SLC35F1: variants seen among roughly 807,000 people sequenced by gnomAD.
SLC35F1 encodes solute carrier family 35 member F1.
Under a neutral mutation model 48.7 loss-of-function variants are expected in SLC35F1, and 14 were observed. The ratio of observed to expected loss-of-function variants is 0.29; its 90% CI spans 0.19 to 0.45. SLC35F1 has a LOEUF of 0.45. SLC35F1 is among the 20% of genes least tolerant of loss of function. The pLI is 1.00. For synonymous variants in SLC35F1, 190 were observed against 202.2 expected (o/e 0.94, Z 0.51); for missense variants, 404 against 500.0 (o/e 0.81, Z 1.83).
intron 1 of SLC35F1, among the ~76,000 whole-genome samples, chr6:118,009,485 A>G (rs924044508): frequency 6.6e-6 from 1 of 152,150 alleles, no homozygotes; most frequent in Non-Finnish European, 1.5e-5. Context: ...CTGTTTTGAG[A>G]GAACAAATAA....
At chr6:118,299,637 T>C (rs1776233067) in intron 7 of SLC35F1, among the ~76,000 whole-genome samples, 1 of 152,198 alleles carries the variant, frequency 6.6e-6, no homozygotes. Context: ...TTTGGAGAGA[T>C]GTGCAGCGAT....
chr6:118,081,726 G>A (rs1772911307), intron 1 of SLC35F1, among the ~76,000 whole-genome samples: 1 of 152,164 alleles, frequency 6.6e-6, no homozygotes, highest in African/African-American at 2.4e-5. Context: ...TCAGAGTGAT[G>A]TGCTCAGTAC....
At chr6:117,951,959 C>G (rs1230138528) in intron 1 of SLC35F1, among the ~76,000 whole-genome samples, 4 of 152,242 alleles carry the variant, frequency 2.6e-5, no homozygotes, top group Admixed American at 1.3e-4. Context: ...TGAAAGGAAC[C>G]TGAACTTACA....
chr6:118,245,098 C>T (rs559745341), intron 3 of SLC35F1, among the ~76,000 whole-genome samples: 2 of 152,298 alleles, frequency 1.3e-5, no homozygotes, highest in South Asian at 4.1e-4. Flanking sequence ...GTATTATAGA[C>T]ATAGAATGGA....
chr6:118,022,298 T>C (rs9489297), intron 1 of SLC35F1, among the ~76,000 whole-genome samples: 26,217 of 152,190 alleles, frequency 0.17, 2,696 homozygotes, highest in Middle Eastern at 0.27. Flanking sequence ...AGAGTAATTA[T>C]TGGTGTATTA....
chr6:118,098,470 T>C (rs898689415), intron 1 of SLC35F1, among the ~76,000 whole-genome samples: 20 of 152,204 alleles, frequency 1.3e-4, no homozygotes, highest in Admixed American at 2.0e-4. Flanking sequence ...GTCTCATGCA[T>C]TGTGTACTGG....
intron 2 of SLC35F1, among the ~76,000 whole-genome samples, chr6:118,191,350 C>T (rs1774731158): frequency 1.3e-5 from 2 of 152,076 alleles, no homozygotes. Flanking sequence ...CACAACAGAC[C>T]CCCTATTCAT....
At chr6:118,054,906 A>G (rs1353023550) in intron 1 of SLC35F1, among the ~76,000 whole-genome samples, 1 of 152,096 alleles carries the variant, frequency 6.6e-6, no homozygotes, top group Non-Finnish European at 1.5e-5. Context: ...CCTCCCGAGT[A>G]GCTAGGATTA....
chr6:118,287,545 G>A (rs1037731110), intron 7 of SLC35F1, among the ~76,000 whole-genome samples: 7 of 152,168 alleles, frequency 4.6e-5, no homozygotes, highest in Non-Finnish European at 8.8e-5. Context: ...TGGGGTGCTT[G>A]ATAAAAATGC....
In SLC35F1 at chr6:118,046,202, A is replaced by T. The variant is rs544663019; in HGVS notation, c.174-108243A>T. On this transcript the variant is annotated intron_variant, in intron 1 of 7. Transcript: ENST00000360388. ...AGACTAAATGAATACCTTTTCATAT[A>T]CTATTCATTACCAAGTGAAATTTGG... 1.6e-4 allele frequency among the ~76,000 whole-genome samples: 25 copies of T among 152,290 alleles called. No homozygotes were observed. In the East Asian group the frequency reaches 2.7e-3, roughly 16 times the overall value.
intron 2 of SLC35F1, among the ~76,000 whole-genome samples, chr6:118,170,209 C>G (rs1297900599): frequency 6.6e-6 from 1 of 152,166 alleles, no homozygotes; most frequent in Non-Finnish European, 1.5e-5. Flanking sequence ...CAATTAAAAT[C>G]AATCCAATTT....
intron 1 of SLC35F1, among the ~76,000 whole-genome samples, chr6:118,023,886 A>G (rs1777430680): frequency 6.6e-6 from 1 of 152,204 alleles, no homozygotes; most frequent in South Asian, 2.1e-4. Context: ...AATCAAGGGA[A>G]TAAGAAACCA....
intron 7 of SLC35F1, among the ~76,000 whole-genome samples, chr6:118,311,944 A>G (rs1776377171): frequency 6.6e-6 from 1 of 152,244 alleles, no homozygotes; most frequent in East Asian, 1.9e-4. Context: ...ACAGCAAGAT[A>G]GGAACTATAA....
intron 3 of SLC35F1, 94 bp from the exon 4 acceptor site, chr6:118,266,901 A>C: frequency 7.1e-7 from 1 of 1,405,778 alleles, no homozygotes; most frequent in Non-Finnish European, 9.9e-7. Context: ...GGAAAGGCAG[A>C]ACCCTTTCTG....
At chr6:118,037,409 G>A (rs1024969807) in intron 1 of SLC35F1, among the ~76,000 whole-genome samples, 1 of 151,790 alleles carries the variant, frequency 6.6e-6, no homozygotes, top group Non-Finnish European at 1.5e-5. Context: ...TCTGCTTTTT[G>A]TTCTTTTGTT....
chr6:118,112,682 A>C (rs1773424831), intron 1 of SLC35F1, among the ~76,000 whole-genome samples: 1 of 152,144 alleles, frequency 6.6e-6, no homozygotes, highest in Non-Finnish European at 1.5e-5. Flanking sequence ...GTATATTGCA[A>C]ACTCTAGGAC....
intron 1 of SLC35F1, among the ~76,000 whole-genome samples, chr6:118,011,827 CT>C (rs1777251552): frequency 6.6e-6 from 1 of 152,092 alleles, no homozygotes; most frequent in African/African-American, 2.4e-5. Flanking sequence ...AATTATCCAG[CT>C]CAAATTGTCA....
Position 118,316,198 on chromosome 6 carries a change from T to C in SLC35F1, c.*1946T>C, listed in dbSNP as rs1385378195. ...ACATGGCCTTTTTGCCTGCCTTCTA[T>C]AACGGGTAAGTGGACCTACCCTTGG... On this transcript the variant is annotated 3_prime_UTR_variant, in exon 8 of 8. Transcript: ENST00000360388. The C allele has an allele frequency of 4.6e-5, 7 of 152,190 alleles. No individual in the cohort carries two copies. The highest frequency in any genetic ancestry group is 8.8e-5 in the Non-Finnish European group (6 of 68,020). 9.4% of individuals were successfully genotyped at this position (152,190 alleles called of 1,614,324 possible).
At chr6:118,052,535 G>A (rs1203946708) in intron 1 of SLC35F1, among the ~76,000 whole-genome samples, 1 of 152,110 alleles carries the variant, frequency 6.6e-6, no homozygotes, top group Non-Finnish European at 1.5e-5. Context: ...GTGGAAACCA[G>A]CACAGAATTT....
Sources: gnomAD v4.1 joint callset for allele counts (sites outside exome capture counted in the v4.1 genomes callset) on GRCh38, gnomAD v4.1.1 for gene constraint, MANE v1.5 for transcripts, NCBI Gene and HGNC (gene_info 2026-07-23, HGNC 2026-07-21) for gene names.